The following CDH22 variants were observed in gnomAD, a reference collection of about 807,000 sequenced individuals.
The protein encoded by CDH22 is cadherin-22.
Under a neutral mutation model 58.4 loss-of-function variants are expected in CDH22, and 30 were observed. That is an observed-to-expected ratio of 0.51 (90% CI 0.38 to 0.70). The LOEUF is 0.70. CDH22 is among the 30% of genes least tolerant of loss of function. CDH22 has a pLI of 0.00. For synonymous variants in CDH22, 513 were observed against 558.2 expected (o/e 0.92, Z 1.14); for missense variants, 1,014 against 1,233.9 (o/e 0.82, Z 2.67).
chr20:46,213,048 A>G lies in CDH22; in HGVS notation c.979T>C (p.Phe327Leu), dbSNP rs1387010938. 1 of 1,613,962 alleles carries G rather than the reference A, an allele frequency of 6.2e-7. No individual in the cohort carries two copies. Among genetic ancestry groups the G allele is most frequent in the Non-Finnish European group, 8.5e-7 (1 of 1,180,014 alleles). ...KDESSSGGDV[F>L]KVTTDSDTQE... is the part of the protein sequence containing the mutation. ...GTGTCGCTGTCTGTGGTGACCTTGA[A>G]CACATCGCCGCCGCTGCTGCTCTCG... is the stretch of plus-strand genomic sequence containing the variant. The change falls in exon 6 of 12, where the codon TTC (phenylalanine) becomes CTC (leucine). Residue 327 changes from phenylalanine to leucine, a missense_variant. Coordinates refer to ENST00000537909, the MANE Select transcript of CDH22 (RefSeq NM_021248.3).
intron 1 of CDH22, among the ~76,000 whole-genome samples, chr20:46,293,184 A>G (rs2086612399): frequency 6.6e-6 from 1 of 152,130 alleles, no homozygotes; most frequent in South Asian, 2.1e-4. Flanking sequence ...TGGTCTGAAG[A>G]CTGCCCCCAT....
Position 46,210,431 on chromosome 20 carries a change from C to T in CDH22, c.1162G>A (p.Val388Met), listed in dbSNP as rs770162013. 8.2e-6 allele frequency: 12 copies of T among 1,454,984 alleles called. No homozygotes were observed. The highest frequency in any genetic ancestry group is 1.1e-5 in the Non-Finnish European group (12 of 1,103,504). The allele number at this position is 1,454,984 out of a possible 1,614,324, so 90.1% of individuals were successfully genotyped here. ...GGCCGGAACTCGGGGGGCTCGTCCA[C>T]GTCGGTCACGGCCACGCGCACGATC... ...QAIVRVAVTD[V>M]DEPPEFRPPS... Residue 388 changes from valine to methionine, a missense_variant, in exon 7 of 12, where the codon GTG (valine) becomes ATG (methionine). Around this residue, in one of 2 missense-constraint regions of CDH22, gnomAD observed 806 missense variants for 1,038.7 expected, o/e 0.78. Transcript: ENST00000537909. The surrounding 1 kb of genome is among the most constrained non-coding windows in gnomAD (Gnocchi z 4.5).
Position 46,210,976 on chromosome 20 carries a change from G to A in CDH22, c.1033-416C>T, listed in dbSNP as rs375913641. Among the ~76,000 whole-genome samples, 2 of 152,148 alleles carry A rather than the reference G, an allele frequency of 1.3e-5. No individual in the cohort carries two copies. Among genetic ancestry groups the A allele is most frequent in the African/African-American group, 4.8e-5 (2 of 41,438 alleles). ...ATCTGATCTTACACATGAGGAAAAC[G>A]AGGCCCAGAAAGGCTCAGTAACTTG... On this transcript the variant is annotated intron_variant, in intron 6 of 11. Coordinates refer to ENST00000537909, the MANE Select transcript of CDH22 (RefSeq NM_021248.3). The surrounding 1 kb of genome is among the most constrained non-coding windows in gnomAD (Gnocchi z 4.5).
At chr20:46,237,319 C>T (rs2086260443) in intron 3 of CDH22, among the ~76,000 whole-genome samples, 1 of 152,128 alleles carries the variant, frequency 6.6e-6, no homozygotes, top group Non-Finnish European at 1.5e-5. Flanking sequence ...TCGGAGGCCC[C>T]CCGGCACACT....
At chr20:46,255,990 T>G (rs961180259) in intron 1 of CDH22, among the ~76,000 whole-genome samples, 1 of 152,206 alleles carries the variant, frequency 6.6e-6, no homozygotes, top group African/African-American at 2.4e-5. Context: ...GGCTCTGCCC[T>G]GTCCACACTT....
chr20:46,283,324 ACT>A (rs1168675203), intron 1 of CDH22, among the ~76,000 whole-genome samples: 1 of 151,982 alleles, frequency 6.6e-6, no homozygotes. Context: ...AATTACACAG[ACT>A]CAGATTCCGA....
chr20:46,298,091 C>A (rs1040099404), intron 1 of CDH22, among the ~76,000 whole-genome samples: 1 of 152,202 alleles, frequency 6.6e-6, no homozygotes, highest in East Asian at 1.9e-4. Context: ...ATTATCAGAT[C>A]GGTACTTCAG....
Position 46,223,699 on chromosome 20 carries a change from TTCTTTC to T in CDH22, c.670+3803_670+3808del, listed in dbSNP as rs1235317860. Among the ~76,000 whole-genome samples the T allele has an allele frequency of 5.3e-5, 4 of 75,482 alleles. No homozygotes were observed. The South Asian group carries it at 1.7e-3, about 31-fold the overall frequency. The allele number at this position is 75,482 out of a possible 152,430, so 49.5% of individuals were successfully genotyped here. A position where few individuals can be genotyped will look rare whatever the true frequency, so the allele number is the denominator to read the frequency against. On this transcript the variant is annotated intron_variant, in intron 4 of 11. Transcript: ENST00000537909. ...TTTCTTTCTTTCTTTCTTTCTTTCT[TTCTTTC>T]TTTCTTTCTTTTTCTTTCTTTCTCT...
intron 10 of CDH22, among the ~76,000 whole-genome samples, chr20:46,179,770 C>T (rs988576828): frequency 6.6e-5 from 10 of 152,144 alleles, no homozygotes; most frequent in Non-Finnish European, 1.2e-4. Flanking sequence ...CACACATAAC[C>T]CTTAGAAAAG....
In CDH22 at chr20:46,292,916, T is replaced by TTGTGTGTGTGTGTGTG. The variant is rs74176860; in HGVS notation, c.-400+15323_-400+15338dup. 2.0e-3 allele frequency among the ~76,000 whole-genome samples: 292 copies of TTGTGTGTGTGTGTGTG among 143,916 alleles called. 3 individuals are homozygous for TTGTGTGTGTGTGTGTG. The highest frequency in any genetic ancestry group is 0.016 in the Admixed American group (229 of 14,464). 94.4% of individuals were successfully genotyped at this position (143,916 alleles called of 152,430 possible). The stretch of plus-strand genomic sequence containing the variant: ...CTTCTAGAAGAGCACCAGCCACTGG[T>TTGTGTGTGTGTGTGTG]TGTGTGTGTGTGTGTGTGTGTGTGT... On this transcript the variant is annotated intron_variant, in intron 1 of 11. Coordinates refer to ENST00000537909, the MANE Select transcript of CDH22 (RefSeq NM_021248.3).
In CDH22 at chr20:46,227,470, C is replaced by A. The variant is rs756777367; in HGVS notation, c.670+38G>T. 304 of 1,490,116 alleles carry A rather than the reference C, an allele frequency of 2.0e-4. 2 individuals carry two copies. In the Middle Eastern group the frequency reaches 2.0e-3, roughly 10 times the overall value. 92.3% of individuals were successfully genotyped at this position (1,490,116 alleles called of 1,614,324 possible). On this transcript the variant is annotated intron_variant, in intron 4 of 11. Coordinates refer to ENST00000537909, the MANE Select transcript of CDH22 (RefSeq NM_021248.3). Reference sequence around the variant, plus strand: ...TCGTCCCGCCCCGCCCCTGGCCCCGCCCCACGGCTCCGCCTCTGGCCCCGC... The same window carrying A: ...TCGTCCCGCCCCGCCCCTGGCCCCGACCCACGGCTCCGCCTCTGGCCCCGC...
chr20:46,235,026 A>G (rs1451407453), intron 3 of CDH22, among the ~76,000 whole-genome samples: 2 of 152,250 alleles, frequency 1.3e-5, no homozygotes. Context: ...TGCAAGCCCT[A>G]CAGAGCCAAG....
chr20:46,213,570 A>C (rs1328455394), intron 5 of CDH22, among the ~76,000 whole-genome samples: 1 of 152,162 alleles, frequency 6.6e-6, no homozygotes, highest in Non-Finnish European at 1.5e-5. Context: ...GTAAAATGGA[A>C]ATAAATAACG....
intron 8 of CDH22, among the ~76,000 whole-genome samples, chr20:46,197,921 T>G (rs554070300): frequency 6.6e-6 from 1 of 151,838 alleles, no homozygotes; most frequent in African/African-American, 2.4e-5. Context: ...AGGAGGAGCT[T>G]GGGTCAGGAG....
In CDH22 at chr20:46,308,005, GGGCCGAGAGGC is replaced by G. The variant is rs2059031722; in HGVS notation, c.-400+239_-400+249del. On this transcript the variant is annotated intron_variant, in intron 1 of 11. Coordinates refer to ENST00000537909, the MANE Select transcript of CDH22 (RefSeq NM_021248.3). The surrounding 1 kb of genome is among the most constrained non-coding windows in gnomAD (Gnocchi z 4.3). ...GGGACGGGTGGGAGCTGCGGGCTTC[GGGCCGAGAGGC>G]GGCTCGGCTCCGCGCCGGGGAAAGT... Among the ~76,000 whole-genome samples the G allele has an allele frequency of 6.6e-6, 1 of 151,690 alleles. No individual in the cohort carries two copies. The highest frequency in any genetic ancestry group is 1.5e-5 in the Non-Finnish European group (1 of 67,816).
At chr20:46,178,809 G>A (rs961511129) in intron 10 of CDH22, among the ~76,000 whole-genome samples, 4 of 152,158 alleles carry the variant, frequency 2.6e-5, no homozygotes, top group Admixed American at 6.5e-5. Context: ...CCCAAGGCCA[G>A]TTGAGAGTCC....
At chr20:46,267,652 G>A (rs1056821214) in intron 1 of CDH22, among the ~76,000 whole-genome samples, 33 of 152,250 alleles carry the variant, frequency 2.2e-4, no homozygotes, top group African/African-American at 7.7e-4. Flanking sequence ...AAATGGAGGA[G>A]TTGGACTATT....
At chr20:46,198,847 C>G (rs529363185) in intron 8 of CDH22, among the ~76,000 whole-genome samples, 17 of 152,282 alleles carry the variant, frequency 1.1e-4, no homozygotes, top group Non-Finnish European at 2.2e-4. Flanking sequence ...ACTCCCTCCC[C>G]TTTTGAGGTC....
chr20:46,285,674 T>C (rs1006660951), intron 1 of CDH22, among the ~76,000 whole-genome samples: 43 of 152,248 alleles, frequency 2.8e-4, no homozygotes. Context: ...CCAGGTCTCC[T>C]GACTGTTTCT....
Sources: allele counts gnomAD v4.1 joint callset (sites outside exome capture counted in the v4.1 genomes callset), GRCh38; gene constraint gnomAD v4.1.1; regional missense constraint gnomAD v4.1.1; non-coding constraint Gnocchi (gnomAD v3.1); transcripts MANE v1.5; gene names NCBI Gene and HGNC (gene_info 2026-07-23, HGNC 2026-07-21).